SPMIP4: variants seen among roughly 807,000 people sequenced by gnomAD.
SPMIP4 encodes sperm microtubule inner protein 4.
chr7:25,129,990 C>A, the SPMIP4 span, among the ~76,000 whole-genome samples: 3 of 152,038 alleles, frequency 2.0e-5, no homozygotes, highest in East Asian at 3.9e-4. Context: ...GTAATCCCAA[C>A]ACTTTGGGAG....
chr7:25,169,233 A>G, the SPMIP4 span, among the ~76,000 whole-genome samples: 1 of 151,996 alleles, frequency 6.6e-6, no homozygotes, highest in Non-Finnish European at 1.5e-5. Flanking sequence ...CTATTTTATA[A>G]ATTTATAATT....
At chr7:25,179,955 G>C in the SPMIP4 span, 1 of 152,430 alleles carries the variant, frequency 6.6e-6, no homozygotes, top group African/African-American at 2.4e-5. Flanking sequence ...GCGGTGCCTC[G>C]GGGGTCTGGA....
At chr7:25,138,492 A>G in the SPMIP4 span, among the ~76,000 whole-genome samples, 1 of 152,230 alleles carries the variant, frequency 6.6e-6, no homozygotes, top group East Asian at 1.9e-4. The surrounding 1 kb of genome is among the most constrained non-coding windows in gnomAD (Gnocchi z 6.2). Context: ...TTGCCTCCCA[A>G]AAATGACAGG....
chr7:25,138,523 T>G, the SPMIP4 span, among the ~76,000 whole-genome samples: 1 of 152,330 alleles, frequency 6.6e-6, no homozygotes, highest in South Asian at 2.1e-4. This position sits in a 1 kb window ranked among gnomAD's most constrained non-coding sequence, Gnocchi z 6.2. Context: ...TGAGCCACTG[T>G]GCCCAGCAAC....
the SPMIP4 span, among the ~76,000 whole-genome samples, chr7:25,162,926 C>T: frequency 7.2e-5 from 11 of 152,136 alleles, no homozygotes; most frequent in Admixed American, 6.5e-4. Context: ...CACCCGCCAT[C>T]GTGCCCGGCT....
chr7:25,151,698 G>T, the SPMIP4 span: 4 of 1,456,306 alleles, frequency 2.7e-6, no homozygotes, highest in Non-Finnish European at 9.6e-7. Context: ...AAAATTTCAG[G>T]AAAAGCAATA....
At chr7:25,126,318 C>T in the SPMIP4 span, among the ~76,000 whole-genome samples, 16 of 152,208 alleles carry the variant, frequency 1.1e-4, no homozygotes, top group Middle Eastern at 6.8e-3. Flanking sequence ...GCTGGGACTA[C>T]GGGAGCAAAC....
At chr7:25,139,223 G>A in the SPMIP4 span, among the ~76,000 whole-genome samples, 1 of 152,048 alleles carries the variant, frequency 6.6e-6, no homozygotes, top group Non-Finnish European at 1.5e-5. Context: ...TGCATGTTTA[G>A]GAGTGAAGTA....
the SPMIP4 span, chr7:25,135,798 C>T: frequency 4.1e-4 from 545 of 1,338,186 alleles, 2 homozygotes; most frequent in African/African-American, 7.5e-3. Context: ...CATAACATCA[C>T]CTTTTCTGGG....
At chr7:25,180,167 C>G in the SPMIP4 span, 4 of 152,404 alleles carry the variant, frequency 2.6e-5, no homozygotes, top group African/African-American at 9.7e-5. Context: ...TGACGGTGGC[C>G]GTGACCGCGG....
the SPMIP4 span, among the ~76,000 whole-genome samples, chr7:25,165,320 A>G: frequency 1.3e-5 from 2 of 152,166 alleles, no homozygotes; most frequent in East Asian, 3.8e-4. Context: ...ATAGGTATAG[A>G]ATATTGGGAC....
the SPMIP4 span, among the ~76,000 whole-genome samples, chr7:25,153,563 C>CA: frequency 0.41 from 57,621 of 140,724 alleles, 12,552 homozygotes; most frequent in Non-Finnish European, 0.51. Flanking sequence ...GACTCCGTCT[C>CA]AAAAAAAAAA....
chr7:25,136,294 AG>A, the SPMIP4 span: 1 of 1,614,206 alleles, frequency 6.2e-7, no homozygotes, highest in East Asian at 2.2e-5. This position sits in a 1 kb window ranked among gnomAD's most constrained non-coding sequence, Gnocchi z 5.7. Context: ...AGGTTTACTA[AG>A]GCTAACAGGG....
At chr7:25,168,230 G>C in the SPMIP4 span, 10 of 1,460,482 alleles carry the variant, frequency 6.8e-6, no homozygotes, top group Non-Finnish European at 8.4e-6. Flanking sequence ...GACTCACAAT[G>C]GAAGTAAAGA....
At chr7:25,132,291 AGGGGTCACCTT>A in the SPMIP4 span, among the ~76,000 whole-genome samples, 2 of 152,306 alleles carry the variant, frequency 1.3e-5, no homozygotes, top group Non-Finnish European at 2.9e-5. The surrounding 1 kb of genome is among the most constrained non-coding windows in gnomAD (Gnocchi z 5.0). Flanking sequence ...TAAAGGTGGA[AGGGGTCACCTT>A]CCCAGCTAAG....
the SPMIP4 span, among the ~76,000 whole-genome samples, chr7:25,175,808 A>G: frequency 6.6e-6 from 1 of 152,356 alleles, no homozygotes; most frequent in African/African-American, 2.4e-5. Context: ...AGTGAGGCTC[A>G]GCAATGATAG....
At chr7:25,168,143 G>A in the SPMIP4 span, 1 of 652,738 alleles carries the variant, frequency 1.5e-6, no homozygotes, top group Non-Finnish European at 2.5e-6. Context: ...TTCACAATTA[G>A]AAATTAATTT....
the SPMIP4 span, among the ~76,000 whole-genome samples, chr7:25,131,699 C>T: frequency 3.3e-5 from 5 of 152,144 alleles, no homozygotes; most frequent in Admixed American, 3.3e-4. The surrounding 1 kb of genome is among the most constrained non-coding windows in gnomAD (Gnocchi z 4.2). Context: ...CTCACAGATT[C>T]CAAGGAATGG....
the SPMIP4 span, among the ~76,000 whole-genome samples, chr7:25,141,609 G>A: frequency 1.4e-5 from 2 of 144,306 alleles, no homozygotes; most frequent in African/African-American, 2.5e-5. Flanking sequence ...AAAGATCTAC[G>A]GAATTTACTA....
Sources: gnomAD v4.1 joint callset for allele counts (sites outside exome capture counted in the v4.1 genomes callset) on GRCh38, gnomAD v4.1.1 for gene constraint, Gnocchi (gnomAD v3.1) non-coding constraint, MANE v1.5 for transcripts, NCBI Gene and HGNC (gene_info 2026-07-23, HGNC 2026-07-21) for gene names.